ZNRF1: variants seen among roughly 807,000 people sequenced by gnomAD.
ZNRF1 encodes the protein zinc and ring finger 1.
ZNRF1 carries 3 observed loss-of-function variants against 18.4 expected under a neutral mutation model. The ratio of observed to expected loss-of-function variants is 0.16; its 90% confidence interval spans 0.07 to 0.42. The LOEUF (loss-of-function observed/expected upper bound fraction) is 0.42, where lower values mean the gene tolerates loss of function less well. Among genes scored for constraint, ZNRF1 ranks in the 10% least tolerant of loss-of-function variants. The probability of loss-of-function intolerance (pLI) is 0.99; values close to 1 mark genes in which losing one functional copy is unlikely to be tolerated. For synonymous variants in ZNRF1, 157 were observed against 144.2 expected (o/e 1.09, Z -0.64); for missense variants, 310 against 329.8 (o/e 0.94, Z 0.47).
chr16:75,009,537 C>T (rs376229129), intron 1 of ZNRF1, among the ~76,000 whole-genome samples: 40 of 152,316 alleles, frequency 2.6e-4, no homozygotes, highest in East Asian at 1.3e-3. Context: ...TGTTGCTGGA[C>T]GCTTGGGTTG....
chr16:75,071,726 G>C (rs1402633217), intron 1 of ZNRF1, among the ~76,000 whole-genome samples: 1 of 152,140 alleles, frequency 6.6e-6, no homozygotes, highest in Non-Finnish European at 1.5e-5. Context: ...TCCTGGGGCT[G>C]TTTGGGGAAA....
In ZNRF1 at chr16:75,110,572, C is replaced by G. The variant is rs1251283519; in HGVS notation, c.*2872C>G. 1 of 152,210 alleles carries G rather than the reference C, an allele frequency of 6.6e-6. No individual in the cohort carries two copies. Among genetic ancestry groups the G allele is most frequent in the African/African-American group, 2.4e-5 (1 of 41,446 alleles). 9.4% of individuals were successfully genotyped at this position (152,210 alleles called of 1,614,324 possible). On this transcript the variant is annotated 3_prime_UTR_variant, in exon 5 of 5. Coordinates refer to ENST00000335325, the MANE Select transcript of ZNRF1 (RefSeq NM_032268.5). ...GTAATTTAATTCCAAATAGTTCCCC[C>G]CAAAATACACAAAGCAAATAAGGCC...
rs534873525 is a variant in ZNRF1 at position 75,093,511 on chromosome 16, C to T, written c.425-61C>T. 4.0e-4 allele frequency: 538 copies of T among 1,342,934 alleles called. 9 individuals carry two copies. The Middle Eastern group carries it at 4.6e-3, about 11-fold the overall frequency. 83.2% of individuals were successfully genotyped at this position (1,342,934 alleles called of 1,614,324 possible). A position where few individuals can be genotyped will look rare whatever the true frequency, so the allele number is the denominator to read the frequency against. The stretch of plus-strand genomic sequence containing the variant: ...CATGGCTGTCATTCGAGAGTGTCCA[C>T]ATGTACTGTGGATGTACTGGATCTG... On this transcript the variant is annotated intron_variant, in intron 1 of 4. Transcript: ENST00000335325.
chr16:75,096,833 T>G (rs2036205786), intron 2 of ZNRF1, among the ~76,000 whole-genome samples: 1 of 152,200 alleles, frequency 6.6e-6, no homozygotes, highest in Non-Finnish European at 1.5e-5. Flanking sequence ...AGGCCTCCAG[T>G]AGCTGCCTGC....
rs374922840 is a variant in ZNRF1 at position 75,106,542 on chromosome 16, T to G, written c.*3T>G. The G allele has an allele frequency of 1.9e-6, 3 of 1,614,110 alleles. No homozygotes were observed. The highest frequency in any genetic ancestry group is 2.5e-6 in the Non-Finnish European group (3 of 1,179,998). ...GTCCGGAACACCCTGCGGACTGACCTGCGGGCTTGCTTGCTGACTCCTCTC... is the reference window on the plus strand; with the variant it reads ...GTCCGGAACACCCTGCGGACTGACCGGCGGGCTTGCTTGCTGACTCCTCTC... On this transcript the variant is annotated 3_prime_UTR_variant, in exon 4 of 5. Coordinates refer to ENST00000335325, the MANE Select transcript of ZNRF1 (RefSeq NM_032268.5).
chr16:75,052,270 G>A (rs947605656), intron 1 of ZNRF1, among the ~76,000 whole-genome samples: 11 of 151,970 alleles, frequency 7.2e-5, no homozygotes, highest in African/African-American at 1.7e-4. Context: ...GTGTGGTGGC[G>A]TGCACCTGTA....
In ZNRF1 at chr16:75,107,381, C is replaced by A. The variant is rs373202619; in HGVS notation, c.*33-352C>A. 7.5e-5 allele frequency: 16 copies of A among 212,198 alleles called. No individual in the cohort carries two copies. The South Asian group carries it at 8.3e-4, about 11-fold the overall frequency. The allele number at this position is 212,198 out of a possible 1,614,324, so 13.1% of individuals were successfully genotyped here. A position where few individuals can be genotyped will look rare whatever the true frequency, so the allele number is the denominator to read the frequency against. The stretch of plus-strand genomic sequence containing the variant: ...AGGTTTTGGGACCTTTTTCTTCCCC[C>A]CTCCCTTTCTCTCTCTCTTGCTTTC... On this transcript the variant is annotated intron_variant, in intron 4 of 4. Transcript: ENST00000335325.
chr16:75,006,403 A>G (rs1271904141), intron 1 of ZNRF1, among the ~76,000 whole-genome samples: 2 of 152,148 alleles, frequency 1.3e-5, no homozygotes, highest in African/African-American at 4.8e-5. Context: ...AGTTAGCCCA[A>G]AACCTAAATC....
intron 2 of ZNRF1, among the ~76,000 whole-genome samples, chr16:75,097,191 T>A (rs1488081368): frequency 6.6e-6 from 1 of 152,186 alleles, no homozygotes; most frequent in African/African-American, 2.4e-5. Flanking sequence ...AGAATACGCA[T>A]TCAAATTTTG....
intron 1 of ZNRF1, among the ~76,000 whole-genome samples, chr16:75,027,080 G>A (rs1481224098): frequency 6.6e-6 from 1 of 151,976 alleles, no homozygotes; most frequent in Admixed American, 6.6e-5. Flanking sequence ...CCAGCGGTTA[G>A]GGAACTCAGC....
intron 1 of ZNRF1, among the ~76,000 whole-genome samples, chr16:75,003,160 C>T (rs144685634): frequency 4.6e-5 from 7 of 152,212 alleles, no homozygotes; most frequent in Non-Finnish European, 8.8e-5. Context: ...CGGGATTTCT[C>T]CATGTTTATC....
chr16:75,067,940 C>G (rs1428585236), intron 1 of ZNRF1, among the ~76,000 whole-genome samples: 1 of 152,110 alleles, frequency 6.6e-6, no homozygotes, highest in Non-Finnish European at 1.5e-5. Context: ...AAAACTTGAG[C>G]TGAGGTGAAG....
chr16:75,065,857 C>T lies in ZNRF1; in HGVS notation c.425-27715C>T, dbSNP rs2035796835. ...ACTCCACCAATTATTAGCCAGATCA[C>T]GATTAACCTTAGAGACAAGAGGACT... On this transcript the variant is annotated intron_variant, in intron 1 of 4. Transcript: ENST00000335325. 3.9e-5 allele frequency among the ~76,000 whole-genome samples: 6 copies of T among 152,154 alleles called. No individual in the cohort carries two copies. The South Asian group carries it at 1.0e-3, about 26-fold the overall frequency.
chr16:75,011,191 C>A (rs1357826707), intron 1 of ZNRF1, among the ~76,000 whole-genome samples: 1 of 152,176 alleles, frequency 6.6e-6, no homozygotes, highest in Middle Eastern at 3.2e-3. Flanking sequence ...CATTAAGATT[C>A]TTTTATCCTG....
Position 75,001,869 on chromosome 16 carries a change from G to T in ZNRF1, c.424+1774G>T, listed in dbSNP as rs188836746. On this transcript the variant is annotated intron_variant, in intron 1 of 4. Coordinates refer to ENST00000335325, the MANE Select transcript of ZNRF1 (RefSeq NM_032268.5). ...GATTCCAGAATTTCACTCTTAAGCT[G>T]TGAAACCTTATTTTTTTTCATCCGA... is the stretch of plus-strand genomic sequence containing the variant. 1.1e-3 allele frequency among the ~76,000 whole-genome samples: 173 copies of T among 152,306 alleles called. 2 individuals carry two copies. The highest frequency in any genetic ancestry group is 3.8e-3 in the African/African-American group (158 of 41,568).
intron 1 of ZNRF1, among the ~76,000 whole-genome samples, chr16:75,042,836 A>T (rs539717787): frequency 7.9e-5 from 12 of 152,140 alleles, no homozygotes; most frequent in Non-Finnish European, 1.6e-4. Flanking sequence ...GAGGGCCTGA[A>T]ATGGGCTCAC....
intron 1 of ZNRF1, among the ~76,000 whole-genome samples, chr16:75,026,762 C>T (rs1003802945): frequency 3.3e-5 from 5 of 151,806 alleles, no homozygotes; most frequent in African/African-American, 1.2e-4. Flanking sequence ...GTGGTGAAAC[C>T]CCGTCTCTAC....
chr16:75,027,752 C>A (rs1260122246), intron 1 of ZNRF1, among the ~76,000 whole-genome samples: 1 of 152,086 alleles, frequency 6.6e-6, no homozygotes, highest in East Asian at 1.9e-4. Context: ...TGTGGGTGTG[C>A]CCCTGGGTTA....
chr16:75,007,701 G>C (rs1027478968), intron 1 of ZNRF1, among the ~76,000 whole-genome samples: 1 of 152,184 alleles, frequency 6.6e-6, no homozygotes, highest in Non-Finnish European at 1.5e-5. Context: ...AGTAGAGCTG[G>C]AGACCCAAGA....
Sources: allele counts gnomAD v4.1 joint callset (sites outside exome capture counted in the v4.1 genomes callset), GRCh38; gene constraint gnomAD v4.1.1; transcripts MANE v1.5; gene names NCBI Gene and HGNC (gene_info 2026-07-23, HGNC 2026-07-21).